Variants in STIM1 observed in about 807,000 individuals in gnomAD.
STIM1 encodes stromal interaction molecule 1.
A neutral mutation model predicts 74.7 loss-of-function variants in STIM1; 25 were observed. The ratio of observed to expected loss-of-function variants is 0.33; its 90% CI spans 0.24 to 0.47. The LOEUF (loss-of-function observed/expected upper bound fraction) is 0.47. STIM1 is among the 20% of genes least tolerant of loss of function. The pLI is 1.00. For synonymous variants in STIM1, 328 were observed against 348.8 expected (o/e 0.94, Z 0.66); for missense variants, 728 against 920.8 (o/e 0.79, Z 2.71).
At chr11:3,861,750 C>G (rs957221492) in intron 1 of STIM1, among the ~76,000 whole-genome samples, 1 of 152,038 alleles carries the variant, frequency 6.6e-6, no homozygotes, top group African/African-American at 2.4e-5. Flanking sequence ...AATTTCATTC[C>G]CATCCAAATT....
chr11:4,085,707 G>A (rs1639178057), intron 11 of STIM1, among the ~76,000 whole-genome samples: 1 of 152,182 alleles, frequency 6.6e-6, no homozygotes, highest in Admixed American at 6.5e-5. Flanking sequence ...AGACATTATT[G>A]TGAAGTCTCA....
At chr11:4,084,319 G>A (rs11823158) in intron 10 of STIM1, among the ~76,000 whole-genome samples, 7,381 of 152,274 alleles carry the variant, frequency 0.048, 513 homozygotes, top group African/African-American at 0.15. Context: ...CCGGGGCTGG[G>A]TTAGGGGCTT....
At chr11:3,999,858 G>A (rs2093696411) in intron 2 of STIM1, among the ~76,000 whole-genome samples, 1 of 152,144 alleles carries the variant, frequency 6.6e-6, no homozygotes, top group Admixed American at 6.5e-5. Context: ...GACGGCACCT[G>A]GAAAATCGGG....
Position 3,967,450 on chromosome 11 carries a change from C to T in STIM1, c.140-102C>T, listed in dbSNP as rs912602219. The T allele has an allele frequency of 3.0e-5, 48 of 1,576,284 alleles. No homozygotes were observed. The African/African-American group carries it at 6.1e-4, about 20-fold the overall frequency. On this transcript the variant is annotated intron_variant, in intron 1 of 12. Transcript: ENST00000526596. ...GTACAAGTAGCCAGTTAAGTGCCTA[C>T]ATGAGGAGTCAGATGCTAGAAGCTA...
intron 3 of STIM1, among the ~76,000 whole-genome samples, chr11:4,047,405 C>G (rs949401866): frequency 1.3e-5 from 2 of 152,096 alleles, no homozygotes; most frequent in African/African-American, 4.8e-5. Context: ...CACTTGAGGC[C>G]AGGAGTCTGA....
At chr11:3,923,501 T>A (rs1207859010) in intron 1 of STIM1, among the ~76,000 whole-genome samples, 4 of 150,676 alleles carry the variant, frequency 2.7e-5, no homozygotes, top group African/African-American at 9.8e-5. Context: ...CCCAGCTACT[T>A]GGGAGGCTGA....
chr11:3,936,461 C>T (rs978632409), intron 1 of STIM1, among the ~76,000 whole-genome samples: 2 of 152,160 alleles, frequency 1.3e-5, no homozygotes, highest in African/African-American at 4.8e-5. Context: ...AGTTCCAGGA[C>T]CCAAAGAAGG....
At chr11:4,053,402 TA>T (rs1272796621) in intron 3 of STIM1, among the ~76,000 whole-genome samples, 5 of 152,144 alleles carry the variant, frequency 3.3e-5, no homozygotes, top group Admixed American at 6.5e-5. Context: ...TATGCAGCCA[TA>T]AAAAAGGATG....
chr11:3,863,603 G>A (rs2090728918), intron 1 of STIM1, among the ~76,000 whole-genome samples: 1 of 152,116 alleles, frequency 6.6e-6, no homozygotes, highest in Non-Finnish European at 1.5e-5. Context: ...TAATTCATAA[G>A]TTTTAAATTG....
chr11:3,950,192 G>C (rs1565125390), intron 1 of STIM1, among the ~76,000 whole-genome samples: 1 of 149,726 alleles, frequency 6.7e-6, no homozygotes, highest in Non-Finnish European at 1.5e-5. Flanking sequence ...GGAGTGGAGT[G>C]GTGCGATCTG....
chr11:3,856,278 T>C lies in STIM1; in HGVS notation c.8T>C (p.Val3Ala). 6.2e-7 allele frequency: 1 copy of C among 1,614,148 alleles called. No individual in the cohort carries two copies. The highest frequency in any genetic ancestry group is 8.5e-7 in the Non-Finnish European group (1 of 1,180,016). MD[V>A]CVRLALWLLW... ...TGACTGAGACCTAGAGTCATGGATGTATGCGTCCGTCTTGCCCTGTGGCTC... is the reference window on the plus strand; with the variant it reads ...TGACTGAGACCTAGAGTCATGGATGCATGCGTCCGTCTTGCCCTGTGGCTC... Residue 3 changes from valine (V) to alanine (A), a missense_variant, in exon 1 of 13, where the codon GTA becomes GCA. Physicochemically the swap from Val to Ala is moderately conservative, Grantham distance 64. Around this residue, in one of 5 missense-constraint regions of STIM1, gnomAD observed 62 missense variants for 55.5 expected, o/e 1.12. Coordinates refer to ENST00000526596, the MANE Select transcript of STIM1 (RefSeq NM_001382567.1).
At position 3,944,830 on chromosome 11, in the gene STIM1, C is replaced by T. The variant is rs182112389; in HGVS notation, c.140-22722C>T. Among the ~76,000 whole-genome samples, 5 of 152,312 alleles carry T rather than the reference C, an allele frequency of 3.3e-5. No individual in the cohort carries two copies. In the East Asian group the frequency reaches 9.6e-4, roughly 29 times the overall value. ...GTAGTGACTCTGGTCATCATCCCATCATTTCTTGCTAGGGTTTTCCTATCT... is the reference window on the plus strand; with the variant it reads ...GTAGTGACTCTGGTCATCATCCCATTATTTCTTGCTAGGGTTTTCCTATCT... On this transcript the variant is annotated intron_variant, in intron 1 of 12. Coordinates refer to ENST00000526596, the MANE Select transcript of STIM1 (RefSeq NM_001382567.1).
At position 3,946,898 on chromosome 11, in the gene STIM1, T is replaced by C. The variant is rs184640249; in HGVS notation, c.140-20654T>C. On this transcript the variant is annotated intron_variant, in intron 1 of 12. Transcript: ENST00000526596. ...TTGGGCATAGCCCTTTCCCTCTCTG[T>C]GTCTCAGGCTGTCATCATTAAAATG... Among the ~76,000 whole-genome samples the C allele has an allele frequency of 1.6e-4, 24 of 152,316 alleles. 1 individual carries two copies. In the East Asian group the frequency reaches 4.6e-3, roughly 29 times the overall value.
At chr11:4,089,685 A>G (rs1182158603) in intron 12 of STIM1, among the ~76,000 whole-genome samples, 1 of 152,158 alleles carries the variant, frequency 6.6e-6, no homozygotes, top group Non-Finnish European at 1.5e-5. Context: ...TTTGCTTCCA[A>G]CTGAGAATTA....
chr11:4,091,578 C>T lies in STIM1; in HGVS notation c.1931C>T (p.Ser644Phe), dbSNP rs35637264. Residue 644 changes from serine to phenylalanine, a missense_variant, in exon 13 of 13, where the codon TCT (serine) becomes TTT (phenylalanine). Ser to Phe is a radical substitution (Grantham distance 155). This residue lies in a region of STIM1 where 352 missense variants were observed against 370.1 expected (regional missense o/e 0.95). Coordinates refer to ENST00000526596, the MANE Select transcript of STIM1 (RefSeq NM_001382567.1). ...CCTGGTGGCTCTCCACATTTGGATTCTTCCCGTTCTCACAGCCCCAGCTCC... is the reference window on the plus strand; with the variant it reads ...CCTGGTGGCTCTCCACATTTGGATTTTTCCCGTTCTCACAGCCCCAGCTCC... Reference protein sequence around the residue: ...APPGGSPHLDSSRSHSPSSPD... With the variant: ...APPGGSPHLDFSRSHSPSSPD... The T allele has an allele frequency of 1.9e-6, 3 of 1,614,202 alleles. No homozygotes were observed. Among genetic ancestry groups the T allele is most frequent in the Middle Eastern group, 3.3e-4 (2 of 6,062 alleles).
intron 3 of STIM1, among the ~76,000 whole-genome samples, chr11:4,029,632 G>C (rs557093833): frequency 6.6e-6 from 1 of 152,118 alleles, no homozygotes; most frequent in African/African-American, 2.4e-5. Flanking sequence ...TGTGTATGTG[G>C]TGTGTGCGTA....
At chr11:3,881,145 T>C (rs928449477) in intron 1 of STIM1, among the ~76,000 whole-genome samples, 1 of 150,894 alleles carries the variant, frequency 6.6e-6, no homozygotes, top group African/African-American at 2.4e-5. Flanking sequence ...CATTTTAAAG[T>C]GTACAATTCA....
intron 2 of STIM1, among the ~76,000 whole-genome samples, chr11:3,979,945 C>G (rs1285394273): frequency 6.6e-6 from 1 of 152,192 alleles, no homozygotes; most frequent in African/African-American, 2.4e-5. Context: ...GTGCCAGCTT[C>G]ATTTTATATG....
intron 1 of STIM1, among the ~76,000 whole-genome samples, chr11:3,895,679 CTTCCTTCTTTCTTTCT>C (rs2092081241): frequency 6.3e-5 from 3 of 47,330 alleles, no homozygotes; most frequent in Non-Finnish European, 1.1e-4. Flanking sequence ...TCTTTCCTTC[CTTCCTTCTTTCTTTCT>C]TTCTTTCTTT....
Sources: gnomAD v4.1 joint callset for allele counts (sites outside exome capture counted in the v4.1 genomes callset) on GRCh38, gnomAD v4.1.1 for gene constraint, gnomAD v4.1.1 regional missense constraint, MANE v1.5 for transcripts, NCBI Gene and HGNC (gene_info 2026-07-23, HGNC 2026-07-21) for gene names.